Variants in CFAP95 observed in about 807,000 individuals in gnomAD.
CFAP95 encodes cilia- and flagella-associated protein 95.
the CFAP95 span, among the ~76,000 whole-genome samples, chr9:69,877,964 G>A: frequency 6.6e-6 from 1 of 152,168 alleles, no homozygotes; most frequent in Non-Finnish European, 1.5e-5. Flanking sequence ...TTCATTTAAA[G>A]TATGATGGAT....
the CFAP95 span, among the ~76,000 whole-genome samples, chr9:69,891,554 G>T: frequency 2.0e-5 from 3 of 146,544 alleles, no homozygotes; most frequent in African/African-American, 2.5e-5. Flanking sequence ...ACTACCTATT[G>T]GGTACTATGC....
At chr9:69,864,957 T>C in the CFAP95 span, among the ~76,000 whole-genome samples, 2 of 152,296 alleles carry the variant, frequency 1.3e-5, no homozygotes, top group South Asian at 4.1e-4. Flanking sequence ...GTGATGATGA[T>C]ATGGTAGGCT....
At chr9:69,874,367 C>G in the CFAP95 span, among the ~76,000 whole-genome samples, 1 of 152,166 alleles carries the variant, frequency 6.6e-6, no homozygotes, top group African/African-American at 2.4e-5. Context: ...ATGTTGTTCA[C>G]TCTTTGGAAT....
At chr9:69,862,600 G>T in the CFAP95 span, among the ~76,000 whole-genome samples, 1 of 152,118 alleles carries the variant, frequency 6.6e-6, no homozygotes, top group South Asian at 2.1e-4. Context: ...TTGCTCAGTG[G>T]ACCAAAATAT....
chr9:69,902,083 A>G, the CFAP95 span, among the ~76,000 whole-genome samples: 65 of 152,150 alleles, frequency 4.3e-4, no homozygotes, highest in Non-Finnish European at 4.4e-4. Flanking sequence ...CTACAAAGAG[A>G]TCCTATGTAT....
chr9:69,869,038 C>T, the CFAP95 span, among the ~76,000 whole-genome samples: 1 of 152,126 alleles, frequency 6.6e-6, no homozygotes, highest in African/African-American at 2.4e-5. Context: ...CCCTTGAACA[C>T]TGTTGGTGGG....
At chr9:69,842,101 C>T in the CFAP95 span, among the ~76,000 whole-genome samples, 13 of 152,288 alleles carry the variant, frequency 8.5e-5, no homozygotes, top group East Asian at 2.3e-3. Flanking sequence ...ACTATCTGTT[C>T]GGTGGATCAG....
At chr9:69,856,342 C>G in the CFAP95 span, among the ~76,000 whole-genome samples, 7 of 152,110 alleles carry the variant, frequency 4.6e-5, no homozygotes, top group African/African-American at 1.7e-4. Flanking sequence ...ATAGAAACAA[C>G]CAATTTGCTT....
chr9:69,826,114 C>G, the CFAP95 span, among the ~76,000 whole-genome samples: 1 of 152,098 alleles, frequency 6.6e-6, no homozygotes, highest in Non-Finnish European at 1.5e-5. Flanking sequence ...ACAAAATCAT[C>G]TGGGCTGGGG....
the CFAP95 span, among the ~76,000 whole-genome samples, chr9:69,861,730 C>CAAAAAA: frequency 2.1e-4 from 18 of 86,802 alleles, no homozygotes; most frequent in Non-Finnish European, 3.0e-4. Context: ...TCTTATGAGT[C>CAAAAAA]AAAAAAAAAA....
the CFAP95 span, among the ~76,000 whole-genome samples, chr9:69,848,968 T>C: frequency 2.6e-5 from 4 of 152,312 alleles, no homozygotes; most frequent in Middle Eastern, 3.4e-3. Context: ...TGGGCAGTGA[T>C]GGAGGAAAAA....
chr9:69,861,809 C>G, the CFAP95 span, among the ~76,000 whole-genome samples: 2 of 146,944 alleles, frequency 1.4e-5, no homozygotes, highest in African/African-American at 5.0e-5. Flanking sequence ...TTTGAAGAAG[C>G]AAGATTCGAT....
the CFAP95 span, among the ~76,000 whole-genome samples, chr9:69,823,435 C>T: frequency 9.9e-5 from 15 of 152,252 alleles, no homozygotes; most frequent in African/African-American, 3.6e-4. Flanking sequence ...GGTTAAAACT[C>T]GGGCTCTAGG....
the CFAP95 span, among the ~76,000 whole-genome samples, chr9:69,892,184 T>C: frequency 6.6e-6 from 1 of 152,216 alleles, no homozygotes; most frequent in Non-Finnish European, 1.5e-5. Context: ...GTTATATTCA[T>C]TTTTAAAGAT....
At chr9:69,861,328 T>A in the CFAP95 span, among the ~76,000 whole-genome samples, 1 of 152,184 alleles carries the variant, frequency 6.6e-6, no homozygotes, top group Non-Finnish European at 1.5e-5. Context: ...TTTGGGCTGG[T>A]CATATTTCCA....
the CFAP95 span, among the ~76,000 whole-genome samples, chr9:69,833,007 C>T: frequency 6.6e-6 from 1 of 152,066 alleles, no homozygotes; most frequent in Non-Finnish European, 1.5e-5. Context: ...CTATTTTTAA[C>T]AATTTTATTA....
chr9:69,838,474 A>C, the CFAP95 span, among the ~76,000 whole-genome samples: 5 of 151,408 alleles, frequency 3.3e-5, no homozygotes, highest in Non-Finnish European at 7.4e-5. Flanking sequence ...ATTCCTAGGT[A>C]TTGTATTCTC....
At chr9:69,898,398 A>G in the CFAP95 span, among the ~76,000 whole-genome samples, 4 of 152,314 alleles carry the variant, frequency 2.6e-5, no homozygotes, top group Admixed American at 1.3e-4. Context: ...AGAATTCATC[A>G]ATTGCCATGG....
At chr9:69,868,493 A>G in the CFAP95 span, among the ~76,000 whole-genome samples, 10 of 152,180 alleles carry the variant, frequency 6.6e-5, no homozygotes, top group East Asian at 1.9e-3. Context: ...CCCCGTCTCT[A>G]TTAAAAATAC....
Sources: gnomAD v4.1 joint callset for allele counts (sites outside exome capture counted in the v4.1 genomes callset) on GRCh38, gnomAD v4.1.1 for gene constraint, MANE v1.5 for transcripts, NCBI Gene and HGNC (gene_info 2026-07-23, HGNC 2026-07-21) for gene names.